RTKN2: variants seen among roughly 807,000 people sequenced by gnomAD.
The protein encoded by RTKN2 is rhotekin-2.
Under a neutral mutation model 71.5 loss-of-function variants are expected in RTKN2, and 69 were observed. The ratio of observed to expected loss-of-function variants is 0.96; its 90% CI spans 0.79 to 1.18. The LOEUF (loss-of-function observed/expected upper bound fraction) is 1.18. Among genes scored for constraint, RTKN2 ranks in the 50% most tolerant of loss-of-function variants. The pLI is 0.00. For missense variants in RTKN2, 724 were observed against 719.7 expected (o/e 1.01, Z -0.07); for synonymous variants, 236 against 236.5 (o/e 1.00, Z 0.02).
chr10:62,192,094 A>G (rs1192074491), downstream of RTKN2, among the ~76,000 whole-genome samples: 2 of 147,450 alleles, frequency 1.4e-5, no homozygotes, highest in Non-Finnish European at 3.0e-5. Context: ...AATGAGGTTA[A>G]AAAAAAAAAG....
intron 2 of RTKN2, among the ~76,000 whole-genome samples, chr10:62,252,338 T>G (rs578061251): frequency 1.3e-5 from 2 of 152,236 alleles, no homozygotes; most frequent in Admixed American, 6.5e-5. Context: ...CTAAGGAATT[T>G]ATAACTAGCA....
intron 3 of RTKN2, among the ~76,000 whole-genome samples, chr10:62,243,427 C>G (rs745410661): frequency 4.0e-5 from 6 of 151,070 alleles, no homozygotes; most frequent in Non-Finnish European, 7.4e-5. Flanking sequence ...TTTCATTTCA[C>G]AACTGTACTT....
At chr10:62,209,175 G>A (rs1841607977) in intron 9 of RTKN2, among the ~76,000 whole-genome samples, 1 of 152,140 alleles carries the variant, frequency 6.6e-6, no homozygotes, top group Non-Finnish European at 1.5e-5. Context: ...GGCTGAGGCA[G>A]GAGAATCGCT....
chr10:62,240,562 A>G (rs143518758), intron 4 of RTKN2, among the ~76,000 whole-genome samples: 1 of 152,346 alleles, frequency 6.6e-6, no homozygotes, highest in African/African-American at 2.4e-5. Flanking sequence ...AGTACAAGGA[A>G]CAAAGCTATC....
At chr10:62,214,941 A>G in intron 9 of RTKN2, 1 of 576,606 alleles carries the variant, frequency 1.7e-6, no homozygotes, top group Non-Finnish European at 3.0e-6. Context: ...TAGTTTGGAA[A>G]GTTCTATCTG....
At chr10:62,219,619 C>T (rs902242675) in intron 7 of RTKN2, among the ~76,000 whole-genome samples, 1 of 151,886 alleles carries the variant, frequency 6.6e-6, no homozygotes, top group African/African-American at 2.4e-5. Flanking sequence ...ATCATGTAAG[C>T]AACTTGCTGT....
chr10:62,264,611 T>C (rs1014389384), intron 1 of RTKN2, among the ~76,000 whole-genome samples: 1 of 152,194 alleles, frequency 6.6e-6, no homozygotes, highest in African/African-American at 2.4e-5. Flanking sequence ...CTGGGATGAA[T>C]AGCTTTACCC....
intron 7 of RTKN2, 48 bp from the exon 8 acceptor site, chr10:62,218,349 TTA>T: frequency 8.4e-7 from 1 of 1,196,242 alleles, no homozygotes. Context: ...AAATATAAGT[TTA>T]TTTAAGGTCA....
At chr10:62,259,727 T>C (rs1188084570) in intron 2 of RTKN2, among the ~76,000 whole-genome samples, 3 of 152,122 alleles carry the variant, frequency 2.0e-5, no homozygotes, top group African/African-American at 7.2e-5. Context: ...AATTTTTGTC[T>C]TTTTTGTAGA....
Position 62,262,593 on chromosome 10 carries a change from A to C in RTKN2, c.257+32T>G, listed in dbSNP as rs746172725. On this transcript the variant is annotated intron_variant, in intron 2 of 11. Transcript: ENST00000373789. ...GTTTTAAATTTACATATTTAAGTAC[A>C]TTAAAAGCCACAGGTAAACTATGTT... 5.6e-6 allele frequency: 8 copies of C among 1,434,606 alleles called. No individual in the cohort carries two copies. The South Asian group carries it at 1.0e-4, about 18-fold the overall frequency. 88.9% of individuals were successfully genotyped at this position (1,434,606 alleles called of 1,614,324 possible). A position where few individuals can be genotyped will look rare whatever the true frequency, so the allele number is the denominator to read the frequency against.
chr10:62,253,150 G>A (rs1348480548), intron 2 of RTKN2, among the ~76,000 whole-genome samples: 1 of 152,056 alleles, frequency 6.6e-6, no homozygotes, highest in Admixed American at 6.6e-5. Flanking sequence ...CTAAAAATAA[G>A]GAGATGGACA....
Position 62,197,759 on chromosome 10 carries a change from T to C in RTKN2, c.*149A>G, listed in dbSNP as rs1841357505. ...AGTAAAAGAGAAATCCACTTCTTCA[T>C]TATAAAATGTTTTTCTATACCTAAT... On this transcript the variant is annotated 3_prime_UTR_variant, in exon 12 of 12. Coordinates refer to ENST00000373789, the MANE Select transcript of RTKN2 (RefSeq NM_145307.4). 9 of 1,416,498 alleles carry C rather than the reference T, an allele frequency of 6.4e-6. No individual in the cohort carries two copies. The highest frequency in any genetic ancestry group is 2.6e-4 in the Middle Eastern group (1 of 3,840). 87.7% of individuals were successfully genotyped at this position (1,416,498 alleles called of 1,614,324 possible). A position where few individuals can be genotyped will look rare whatever the true frequency, so the allele number is the denominator to read the frequency against.
chr10:62,234,597 T>C (rs959084014), intron 6 of RTKN2, among the ~76,000 whole-genome samples: 1 of 152,130 alleles, frequency 6.6e-6, no homozygotes, highest in African/African-American at 2.4e-5. Context: ...CAACTTAATA[T>C]TCTAAAATCT....
chr10:62,189,275 A>C (rs1325329148), downstream of RTKN2, among the ~76,000 whole-genome samples: 1 of 152,064 alleles, frequency 6.6e-6, no homozygotes, highest in African/African-American at 2.4e-5. Flanking sequence ...TGCAACGATA[A>C]AAAATGTCCT....
At position 62,196,457 on chromosome 10, in the gene RTKN2, TG is replaced by T. The variant is rs1841333436; in HGVS notation, c.*1450del. The T allele has an allele frequency of 1.0e-6, 1 of 985,240 alleles. No homozygotes were observed. Among genetic ancestry groups the T allele is most frequent in the African/African-American group, 1.7e-5 (1 of 57,230 alleles). 61.0% of individuals were successfully genotyped at this position (985,240 alleles called of 1,614,324 possible). On this transcript the variant is annotated 3_prime_UTR_variant, in exon 12 of 12. Transcript: ENST00000373789. ...TAGGAGTCCTGGGCAAACACAAAAG[TG>T]TCCTGGCAGTTACATCATTCTCTAT...
At chr10:62,185,462 A>G (rs925518572) in intron 8 of RTKN2, among the ~76,000 whole-genome samples, 8 of 152,102 alleles carry the variant, frequency 5.3e-5, no homozygotes, top group Non-Finnish European at 1.2e-4. Context: ...CTAAAAATAC[A>G]AAAATTAGCT....
chr10:62,185,942 T>C (rs1199497614), intron 8 of RTKN2, among the ~76,000 whole-genome samples: 2 of 152,254 alleles, frequency 1.3e-5, no homozygotes, highest in African/African-American at 2.4e-5. Flanking sequence ...TAACCTCTTA[T>C]TGAATTCTTG....
At chr10:62,231,190 T>C (rs1328116471) in intron 6 of RTKN2, among the ~76,000 whole-genome samples, 3 of 152,336 alleles carry the variant, frequency 2.0e-5, no homozygotes, top group East Asian at 3.9e-4. Context: ...TTTTGTCAAG[T>C]AAATAATCAT....
chr10:62,220,680 C>G (rs1841886402), intron 7 of RTKN2, among the ~76,000 whole-genome samples: 1 of 152,090 alleles, frequency 6.6e-6, no homozygotes, highest in South Asian at 2.1e-4. Flanking sequence ...TTTGTCCAAA[C>G]TGATGAAACA....
Sources: gnomAD v4.1 joint callset for allele counts (sites outside exome capture counted in the v4.1 genomes callset) on GRCh38, gnomAD v4.1.1 for gene constraint, MANE v1.5 for transcripts, NCBI Gene and HGNC (gene_info 2026-07-23, HGNC 2026-07-21) for gene names.